The following PVT1 variants were observed in gnomAD, a reference collection of about 807,000 sequenced individuals.
The protein encoded by PVT1 is CXCR4/PVT1 fusion.
At chr8:127,839,088 A>G (rs1814943323) in intron 2 of PVT1, among the ~76,000 whole-genome samples, 1 of 152,174 alleles carries the variant, frequency 6.6e-6, no homozygotes, top group African/African-American at 2.4e-5. Context: ...AGTTTTGTAC[A>G]AACTCCCTCT....
At chr8:127,964,787 G>A (rs780126279) in intron 3 of PVT1, among the ~76,000 whole-genome samples, 2 of 151,976 alleles carry the variant, frequency 1.3e-5, no homozygotes, top group Non-Finnish European at 2.9e-5. Flanking sequence ...CTCATCTCAA[G>A]ATTATTATTT....
At chr8:127,999,802 TTGAC>T (rs1370952635) in intron 4 of PVT1, among the ~76,000 whole-genome samples, 1 of 152,210 alleles carries the variant, frequency 6.6e-6, no homozygotes, top group Non-Finnish European at 1.5e-5. Context: ...TTTGCCCACA[TTGAC>T]TGACAAAAGA....
intron 2 of PVT1, among the ~76,000 whole-genome samples, chr8:127,800,364 C>G (rs909159425): frequency 6.6e-6 from 1 of 152,108 alleles, no homozygotes; most frequent in African/African-American, 2.4e-5. Flanking sequence ...AGCTTCTGTC[C>G]TAGTGGATGT....
intron 5 of PVT1, among the ~76,000 whole-genome samples, chr8:128,072,145 A>C (rs1187094692): frequency 6.6e-6 from 1 of 152,158 alleles, no homozygotes; most frequent in East Asian, 1.9e-4. Context: ...TTGAATCCAA[A>C]AGCTTCTGGC....
chr8:128,031,469 T>C (rs1055278266), intron 4 of PVT1, among the ~76,000 whole-genome samples: 1 of 152,174 alleles, frequency 6.6e-6, no homozygotes, highest in Non-Finnish European at 1.5e-5. Flanking sequence ...TGCCTGCACG[T>C]TGCCAGGGCC....
intron 4 of PVT1, among the ~76,000 whole-genome samples, chr8:128,019,124 G>T (rs530360307): frequency 1.3e-5 from 2 of 152,334 alleles, no homozygotes; most frequent in African/African-American, 4.8e-5. Context: ...GAGCCACTGC[G>T]TCTGGACCAG....
intron 4 of PVT1, among the ~76,000 whole-genome samples, chr8:128,035,237 T>C (rs1163729789): frequency 2.0e-5 from 3 of 152,190 alleles, no homozygotes; most frequent in Non-Finnish European, 4.4e-5. Context: ...GCCTGCTGCT[T>C]GTGGGCCTGC....
At chr8:127,893,989 A>G (rs1467830211) in intron 3 of PVT1, among the ~76,000 whole-genome samples, 1 of 151,910 alleles carries the variant, frequency 6.6e-6, no homozygotes, top group Admixed American at 6.6e-5. Flanking sequence ...TTGCATTTCT[A>G]CTCGTGGTGC....
intron 3 of PVT1, among the ~76,000 whole-genome samples, chr8:127,921,131 T>C (rs1816051840): frequency 6.6e-6 from 1 of 152,180 alleles, no homozygotes; most frequent in Admixed American, 6.5e-5. Context: ...TTGTACCAGC[T>C]GCAGGGTTTC....
At chr8:127,938,461 C>G (rs1228515518) in intron 3 of PVT1, among the ~76,000 whole-genome samples, 3 of 152,188 alleles carry the variant, frequency 2.0e-5, no homozygotes, top group Non-Finnish European at 4.4e-5. Flanking sequence ...GCTCCCAGAG[C>G]CTTGAGGGGC....
intron 4 of PVT1, among the ~76,000 whole-genome samples, chr8:128,051,951 G>A (rs892258881): frequency 1.3e-5 from 2 of 152,126 alleles, no homozygotes; most frequent in African/African-American, 4.8e-5. Flanking sequence ...ATTGGTTACT[G>A]GTGCTTTAGT....
At chr8:127,936,688 G>A (rs1271050259) in intron 3 of PVT1, among the ~76,000 whole-genome samples, 1 of 152,196 alleles carries the variant, frequency 6.6e-6, no homozygotes, top group Non-Finnish European at 1.5e-5. Context: ...AGCCTTCAGG[G>A]CTGAGCTGCT....
intron 2 of PVT1, among the ~76,000 whole-genome samples, chr8:127,811,550 G>A (rs945970018): frequency 2.0e-5 from 3 of 152,124 alleles, no homozygotes; most frequent in Non-Finnish European, 2.9e-5. Flanking sequence ...TGCTCACAGG[G>A]TGTTAACATT....
At chr8:127,847,786 T>A (rs542193802) in intron 2 of PVT1, among the ~76,000 whole-genome samples, 18 of 152,170 alleles carry the variant, frequency 1.2e-4, no homozygotes, top group African/African-American at 4.3e-4. Flanking sequence ...AAAATGTGTC[T>A]TTGCACAAAC....
At chr8:128,096,135 G>T (rs1814426403) in intron 5 of PVT1, among the ~76,000 whole-genome samples, 2 of 152,220 alleles carry the variant, frequency 1.3e-5, no homozygotes, top group Non-Finnish European at 2.9e-5. Context: ...TGCTGATGGG[G>T]TTCAGGAAGG....
At chr8:127,858,955 G>A (rs185136678) in intron 2 of PVT1, among the ~76,000 whole-genome samples, 49 of 151,720 alleles carry the variant, frequency 3.2e-4, no homozygotes, top group African/African-American at 1.1e-3. Flanking sequence ...CTTTGGGTGT[G>A]TGCCACCACG....
intron 3 of PVT1, among the ~76,000 whole-genome samples, chr8:127,939,328 A>T (rs1386872466): frequency 6.6e-6 from 1 of 152,182 alleles, no homozygotes; most frequent in African/African-American, 2.4e-5. Context: ...ACGACCGCAG[A>T]TGGAGCAGAG....
intron 5 of PVT1, among the ~76,000 whole-genome samples, chr8:128,092,548 C>T (rs1026874716): frequency 6.6e-6 from 1 of 152,234 alleles, no homozygotes; most frequent in Admixed American, 6.5e-5. Flanking sequence ...TGAAGCGTTC[C>T]GGAACCGGTA....
intron 2 of PVT1, among the ~76,000 whole-genome samples, chr8:127,858,649 A>G (rs1815186690): frequency 6.6e-6 from 1 of 151,784 alleles, no homozygotes; most frequent in Non-Finnish European, 1.5e-5. Context: ...TGATTATTGT[A>G]CAAGGATTTC....
Sources: allele counts gnomAD v4.1 joint callset (sites outside exome capture counted in the v4.1 genomes callset), GRCh38; gene constraint gnomAD v4.1.1; transcripts MANE v1.5; gene names NCBI Gene and HGNC (gene_info 2026-07-23, HGNC 2026-07-21).